Variants in SBSPON observed in about 807,000 individuals in gnomAD.
SBSPON encodes somatomedin B and thrombospondin type 1 domain containing.
SBSPON carries 30 observed loss-of-function variants against 35.8 expected under a neutral mutation model. The observed-to-expected ratio is 0.84, with a 90% confidence interval of 0.63 to 1.14. The LOEUF (loss-of-function observed/expected upper bound fraction) is 1.14. Among genes scored for constraint, SBSPON ranks in the 50% most tolerant of loss-of-function variants. The pLI, the probability that SBSPON is intolerant of heterozygous loss-of-function variation, is 0.00. For missense variants in SBSPON, 364 were observed against 357.7 expected (o/e 1.02, Z -0.14); for synonymous variants, 136 against 135.9 (o/e 1.00, Z 0.00).
At position 73,071,816 on chromosome 8, in the gene SBSPON, G is replaced by A. The variant is rs777099040; in HGVS notation, c.464C>T (p.Thr155Met). 57 of 1,610,398 alleles carry A rather than the reference G, an allele frequency of 3.5e-5. No individual in the cohort carries two copies. Among genetic ancestry groups the A allele is most frequent in the Admixed American group, 1.0e-4 (6 of 59,908 alleles). The stretch of plus-strand genomic sequence containing the variant: ...TGTGTGTGTAGACCAGTGTGGAGAC[G>A]TAGCTTGTCGTGTTCTCTCCTTGTT... ...AFNKERTRQA[T>M]SPHWSTHTED... Residue 155 changes from threonine (T) to methionine (M), a missense_variant, in exon 3 of 5, where the codon ACG becomes ATG. Physicochemically the swap from Thr to Met is moderately conservative, Grantham distance 81. Coordinates refer to ENST00000297354, the MANE Select transcript of SBSPON (RefSeq NM_153225.4).
intron 1 of SBSPON, 38 bp from the exon 2 acceptor site, chr8:73,081,251 T>C (rs1586096617): frequency 1.3e-6 from 2 of 1,492,840 alleles, no homozygotes; most frequent in Non-Finnish European, 1.8e-6. Flanking sequence ...CCTGAGTAAA[T>C]CCCGCCAGGC....
intron 2 of SBSPON, among the ~76,000 whole-genome samples, chr8:73,080,388 G>T (rs1055809681): frequency 3.3e-5 from 5 of 151,944 alleles, no homozygotes; most frequent in Admixed American, 2.0e-4. Flanking sequence ...GGTGGCAGGC[G>T]CCTGTAGTCC....
Position 73,066,350 on chromosome 8 carries a change from C to T in SBSPON, c.*991G>A, listed in dbSNP as rs1563484384. 1 of 152,042 alleles carries T rather than the reference C, an allele frequency of 6.6e-6. No homozygotes were observed. Among genetic ancestry groups the T allele is most frequent in the Non-Finnish European group, 1.5e-5 (1 of 68,020 alleles). 9.4% of individuals were successfully genotyped at this position (152,042 alleles called of 1,614,324 possible). A position where few individuals can be genotyped will look rare whatever the true frequency, so the allele number is the denominator to read the frequency against. On this transcript the variant is annotated 3_prime_UTR_variant, in exon 5 of 5. Coordinates refer to ENST00000297354, the MANE Select transcript of SBSPON (RefSeq NM_153225.4). ...GGTCCTTAAACATGCCATTTTGCCTCTAGGTCATTGATTTTCCAATCATAA... is the reference window on the plus strand; with the variant it reads ...GGTCCTTAAACATGCCATTTTGCCTTTAGGTCATTGATTTTCCAATCATAA...
chr8:73,083,420 T>A (rs187958746), intron 1 of SBSPON, among the ~76,000 whole-genome samples: 27 of 152,340 alleles, frequency 1.8e-4, no homozygotes, highest in Middle Eastern at 3.4e-3. Context: ...TTAAGAAGTA[T>A]TTATTCCTAT....
chr8:73,089,555 G>A (rs1810894328), intron 1 of SBSPON, among the ~76,000 whole-genome samples: 1 of 122,266 alleles, frequency 8.2e-6, no homozygotes, highest in Non-Finnish European at 1.6e-5. Flanking sequence ...ATGAGACTCC[G>A]TCTCAAAAAA....
intron 2 of SBSPON, among the ~76,000 whole-genome samples, chr8:73,073,524 G>A (rs1461869260): frequency 6.6e-6 from 1 of 152,124 alleles, no homozygotes; most frequent in African/African-American, 2.4e-5. Context: ...TAAGACAAAA[G>A]GCCAGGCACA....
intron 1 of SBSPON, among the ~76,000 whole-genome samples, chr8:73,090,142 T>A (rs529032945): frequency 6.6e-6 from 1 of 152,346 alleles, no homozygotes; most frequent in East Asian, 1.9e-4. Context: ...CCTCCCACTG[T>A]GCTGGGATTA....
At chr8:73,075,367 A>G in intron 2 of SBSPON, among the ~76,000 whole-genome samples, 1 of 149,420 alleles carries the variant, frequency 6.7e-6, no homozygotes, top group Non-Finnish European at 1.5e-5. Context: ...TTTTTAATAC[A>G]CCCCCCCCAA....
At chr8:73,089,896 C>A (rs1256194939) in intron 1 of SBSPON, among the ~76,000 whole-genome samples, 3 of 152,018 alleles carry the variant, frequency 2.0e-5, no homozygotes, top group African/African-American at 7.2e-5. Flanking sequence ...TTTTTTGAGA[C>A]AGGGTCTTAC....
intron 4 of SBSPON, among the ~76,000 whole-genome samples, chr8:73,068,435 T>C (rs775073518): frequency 3.3e-5 from 5 of 152,216 alleles, no homozygotes; most frequent in Non-Finnish European, 7.3e-5. Flanking sequence ...TACCTTTTAA[T>C]CTGTATTTCT....
chr8:73,075,684 A>G (rs1810581372), intron 2 of SBSPON: 1 of 370,404 alleles, frequency 2.7e-6, no homozygotes, highest in Non-Finnish European at 3.7e-6. Flanking sequence ...TTGCTTTGAG[A>G]ATTTCATAAC....
At chr8:73,077,607 G>C (rs1447840495) in intron 2 of SBSPON, among the ~76,000 whole-genome samples, 1 of 152,264 alleles carries the variant, frequency 6.6e-6, no homozygotes, top group Non-Finnish European at 1.5e-5. Flanking sequence ...ACACACAGGA[G>C]GTGCTCAGTG....
At chr8:73,071,300 G>A (rs1810488482) in intron 3 of SBSPON, among the ~76,000 whole-genome samples, 1 of 152,220 alleles carries the variant, frequency 6.6e-6, no homozygotes, top group Non-Finnish European at 1.5e-5. Context: ...GGCAGTGTGG[G>A]GACCTGAGCG....
chr8:73,087,234 G>A (rs1810847033), intron 1 of SBSPON, among the ~76,000 whole-genome samples: 1 of 152,096 alleles, frequency 6.6e-6, no homozygotes, highest in Non-Finnish European at 1.5e-5. Flanking sequence ...GGATGACCTG[G>A]GTTCAAATCT....
chr8:73,070,566 G>A (rs546960421), intron 3 of SBSPON, among the ~76,000 whole-genome samples: 1 of 152,144 alleles, frequency 6.6e-6, no homozygotes, highest in Non-Finnish European at 1.5e-5. Flanking sequence ...ATTGGGCATC[G>A]CAGGTGAAAG....
chr8:73,067,443 A>G lies in SBSPON; in HGVS notation c.693T>C (p.His231=), dbSNP rs1273784282. 3.1e-6 allele frequency: 5 copies of G among 1,604,130 alleles called. No individual in the cohort carries two copies. The highest frequency in any genetic ancestry group is 2.2e-5 in the East Asian group (1 of 44,696). ...ACCGAGGATTACCAATTGCTTGCCA[A>G]TGGAGAGTCTGATTTCTGAAACGAT... ...GLDSDGNQTL[H]WQAIGNPRCQ... The change falls in exon 5 of 5, where the codon CAT becomes CAC. Residue 231 remains histidine (H), a synonymous_variant. Transcript: ENST00000297354.
chr8:73,073,814 C>A lies in SBSPON; in HGVS notation c.410-1944G>T, dbSNP rs766493395. Among the ~76,000 whole-genome samples, 649 of 149,474 alleles carry A rather than the reference C, an allele frequency of 4.3e-3. 2 individuals carry two copies. The highest frequency in any genetic ancestry group is 5.9e-3 in the Non-Finnish European group (399 of 67,290). On this transcript the variant is annotated intron_variant, in intron 2 of 4. Transcript: ENST00000297354. ...GTAAGACCATCTCAAAAAAAAAAAA[C>A]AAAAACAAAAACAAAAAAAAACAGA...
At chr8:73,074,741 T>C (rs1810559328) in intron 2 of SBSPON, among the ~76,000 whole-genome samples, 1 of 152,334 alleles carries the variant, frequency 6.6e-6, no homozygotes, top group South Asian at 2.1e-4. Context: ...TAGCCCCTTG[T>C]ATCTGGAGTC....
At position 73,066,510 on chromosome 8, in the gene SBSPON, T is replaced by C. The variant is rs1019791061; in HGVS notation, c.*831A>G. On this transcript the variant is annotated 3_prime_UTR_variant, in exon 5 of 5. Coordinates refer to ENST00000297354, the MANE Select transcript of SBSPON (RefSeq NM_153225.4). The stretch of plus-strand genomic sequence containing the variant: ...TGCGGTAGGAAAAAAATAGTGAGCT[T>C]ACATCAACTAAACTTGAAGCTGGAC... 6.6e-6 allele frequency: 1 copy of C among 152,206 alleles called. No individual in the cohort carries two copies. Among genetic ancestry groups the C allele is most frequent in the African/African-American group, 2.4e-5 (1 of 41,450 alleles). The allele number at this position is 152,206 out of a possible 1,614,324, so 9.4% of individuals were successfully genotyped here. A position where few individuals can be genotyped will look rare whatever the true frequency, so the allele number is the denominator to read the frequency against.
Sources: allele counts gnomAD v4.1 joint callset (sites outside exome capture counted in the v4.1 genomes callset), GRCh38; gene constraint gnomAD v4.1.1; transcripts MANE v1.5; gene names NCBI Gene and HGNC (gene_info 2026-07-23, HGNC 2026-07-21).